HEATR9: variants seen among roughly 807,000 people sequenced by gnomAD.
The protein encoded by HEATR9 is protein HEATR9.
HEATR9 carries 54 observed loss-of-function variants against 68.2 expected under a neutral mutation model. That is an observed-to-expected ratio of 0.79 (90% CI 0.64 to 0.99). HEATR9 has a LOEUF of 0.99. Among genes scored for constraint, HEATR9 ranks in the 50% least tolerant of loss-of-function variants. The probability of loss-of-function intolerance (pLI) is 0.00; values close to 1 mark genes in which losing one functional copy is unlikely to be tolerated. For synonymous variants in HEATR9, 241 were observed against 253.5 expected, an observed-to-expected ratio of 0.95 and a Z score of 0.47; for missense variants, 662 against 679.7, an observed-to-expected ratio of 0.97 and a Z score of 0.29.
rs1041989512 is a variant in HEATR9, at chr17:35,856,919, A to G, written c.1153-114T>C. ...TTGTGCTATGTAGAGTCCCTGCCTT[A>G]AGGAGCTCATAGTCTGGTGGAGGAA... is the stretch of plus-strand genomic sequence containing the variant. On this transcript the variant is annotated intron_variant, in intron 11 of 14. Transcript: ENST00000604834. The G allele has an allele frequency of 5.3e-6, 5 of 951,120 alleles. No individual in the cohort carries two copies. In the African/African-American group the frequency reaches 6.5e-5, roughly 12 times the overall value. The allele number at this position is 951,120 out of a possible 1,614,324, so 58.9% of individuals were successfully genotyped here. A position where few individuals can be genotyped will look rare whatever the true frequency, so the allele number is the denominator to read the frequency against.
intron 2 of HEATR9, 110 bp downstream of exon 2, chr17:35,866,614 C>G: frequency 9.7e-7 from 1 of 1,026,452 alleles, no homozygotes; most frequent in South Asian, 1.3e-5. Flanking sequence ...AATGGCAGCC[C>G]CAGGGGTAAA....
intron 8 of HEATR9, among the ~76,000 whole-genome samples, chr17:35,860,403 A>C (rs896362213): frequency 2.7e-5 from 4 of 150,012 alleles, no homozygotes; most frequent in Admixed American, 1.3e-4. Flanking sequence ...AAAAAAAAAA[A>C]AAAACAAGAA....
rs1598565870 is a variant in HEATR9 at position 35,855,046 on chromosome 17, A to G, written c.*17T>C. 2 of 1,597,514 alleles carry G rather than the reference A, an allele frequency of 1.3e-6. No homozygotes were observed. The highest frequency in any genetic ancestry group is 1.7e-6 in the Non-Finnish European group (2 of 1,168,680). ...ATCTTCAGGGAGGGAGTCGGGGAGT[A>G]GGCCCAAAGAATTGACTTATTTGGC... On this transcript the variant is annotated 3_prime_UTR_variant, in exon 15 of 15. Coordinates refer to ENST00000604834, the MANE Select transcript of HEATR9 (RefSeq NM_152781.4).
chr17:35,861,607 C>T, intron 8 of HEATR9: 1 of 641,656 alleles, frequency 1.6e-6, no homozygotes, highest in Non-Finnish European at 2.8e-6. Flanking sequence ...TTAACCATGC[C>T]AAACATACTC....
intron 1 of HEATR9, among the ~76,000 whole-genome samples, chr17:35,868,407 G>T (rs1318415503): frequency 1.3e-5 from 2 of 152,172 alleles, no homozygotes; most frequent in African/African-American, 2.4e-5. Context: ...TAAAGAGCAG[G>T]GTACAGGTGT....
chr17:35,859,625 C>G (rs1385078186), intron 8 of HEATR9, among the ~76,000 whole-genome samples: 1 of 152,224 alleles, frequency 6.6e-6, no homozygotes, highest in Non-Finnish European at 1.5e-5. Context: ...CTTCCTCACC[C>G]TCAGCTCCCT....
chr17:35,868,436 G>T, intron 1 of HEATR9: 2 of 705,164 alleles, frequency 2.8e-6, no homozygotes, highest in Non-Finnish European at 4.4e-6. Context: ...AAGCTGGGGA[G>T]ACACACAGGT....
Position 35,865,256 on chromosome 17 carries a change from C to T in HEATR9, c.279G>A (p.Arg93=), listed in dbSNP as rs758350445. 1 of 1,614,090 alleles carries T rather than the reference C, an allele frequency of 6.2e-7. No individual in the cohort carries two copies. The highest frequency in any genetic ancestry group is 1.3e-5 in the African/African-American group (1 of 75,002). ...WHDLYDQREE[R]EAEKMLRKMR... is the part of the protein sequence containing the mutation. Reference sequence around the variant, plus strand: ...TTTTCCTCAACATCTTCTCAGCCTCCCTTTCCTCTCGCTGATCATACAGGT... The same window carrying T: ...TTTTCCTCAACATCTTCTCAGCCTCTCTTTCCTCTCGCTGATCATACAGGT... Residue 93 remains arginine, a synonymous_variant, in exon 3 of 15, where the codon AGG becomes AGA. Transcript: ENST00000604834.
At chr17:35,856,936 G>T (rs2087796947) in intron 11 of HEATR9, 131 bp from the exon 12 acceptor site, 2 of 815,880 alleles carry the variant, frequency 2.5e-6, no homozygotes, top group African/African-American at 3.4e-5. Flanking sequence ...TCATAGTCTG[G>T]TGGAGGAAGC....
rs544919921 is a variant in HEATR9 at position 35,855,960 on chromosome 17, G to A, written c.1279-210C>T. The stretch of plus-strand genomic sequence containing the variant: ...GCTAGGAAGACTGAAGACAATTTCT[G>A]CAGCATCTAAGCAACACCCCTCACA... On this transcript the variant is annotated intron_variant, in intron 13 of 14. Coordinates refer to ENST00000604834, the MANE Select transcript of HEATR9 (RefSeq NM_152781.4). Among the ~76,000 whole-genome samples, 11 of 152,224 alleles carry A rather than the reference G, an allele frequency of 7.2e-5. No individual in the cohort carries two copies. The South Asian group carries it at 1.9e-3, about 26-fold the overall frequency.
intron 8 of HEATR9, chr17:35,861,171 A>G (rs1213748019): frequency 5.0e-6 from 8 of 1,595,200 alleles, no homozygotes; most frequent in East Asian, 2.2e-5. Context: ...CTCGGATAAG[A>G]TGGATGTTTT....
chr17:35,856,033 G>T, intron 13 of HEATR9, 140 bp downstream of exon 13: 1 of 938,046 alleles, frequency 1.1e-6, no homozygotes, highest in Non-Finnish European at 1.6e-6. Context: ...TGAAGAAAAG[G>T]TTCGGTAGGG....
rs1339743285 is a variant in HEATR9, at chr17:35,863,012, C to T, written c.739G>A (p.Ala247Thr). The T allele has an allele frequency of 6.2e-7, 1 of 1,614,234 alleles. No individual in the cohort carries two copies. Among genetic ancestry groups the T allele is most frequent in the Admixed American group, 1.7e-5 (1 of 60,024 alleles). Residue 247 changes from alanine (A) to threonine (T), a missense_variant, in exon 8 of 15, where the codon GCT becomes ACT. Physicochemically the swap from Ala to Thr is moderately conservative, Grantham distance 58 (BLOSUM62 0). Coordinates refer to ENST00000604834, the MANE Select transcript of HEATR9 (RefSeq NM_152781.4). ...GLRMALNSWA[A>T]VSKDKRTQVG... The stretch of plus-strand genomic sequence containing the variant: ...CCAATCACCTTGTCTTTAGAGACAG[C>T]AGCCCAGGAGTTAAGAGCCATTCGT...
intron 12 of HEATR9, 71 bp from the exon 13 acceptor site, chr17:35,856,295 T>G: frequency 6.2e-7 from 1 of 1,613,970 alleles, no homozygotes; most frequent in Non-Finnish European, 8.5e-7. Flanking sequence ...GGCTGGTTGC[T>G]TTTCAGGTCC....
intron 11 of HEATR9, 114 bp downstream of exon 11, chr17:35,858,086 A>G: frequency 6.9e-7 from 1 of 1,439,750 alleles, no homozygotes; most frequent in South Asian, 1.2e-5. Flanking sequence ...TTAGTTGAAC[A>G]GGAGTAGGTC....
chr17:35,866,952 AC>A (rs568340321), intron 1 of HEATR9, among the ~76,000 whole-genome samples, 179 bp from the exon 2 acceptor site: 16 of 152,106 alleles, frequency 1.1e-4, no homozygotes, highest in Admixed American at 3.9e-4. Flanking sequence ...TACTAAAAAT[AC>A]AAAAAAAACA....
chr17:35,868,156 G>C (rs958413183), intron 1 of HEATR9, among the ~76,000 whole-genome samples: 2 of 152,198 alleles, frequency 1.3e-5, no homozygotes, highest in Non-Finnish European at 2.9e-5. Flanking sequence ...GTTCTAGCTG[G>C]AGAGACAGAA....
intron 8 of HEATR9, among the ~76,000 whole-genome samples, chr17:35,859,480 C>T (rs1302502034): frequency 6.6e-6 from 1 of 152,166 alleles, no homozygotes; most frequent in African/African-American, 2.4e-5. Context: ...CCTCTTTTTC[C>T]AGCTCCCGAG....
chr17:35,860,216 C>A (rs1159177562), intron 8 of HEATR9, among the ~76,000 whole-genome samples: 1 of 149,170 alleles, frequency 6.7e-6, no homozygotes, highest in Non-Finnish European at 1.5e-5. Context: ...AACCCCATCT[C>A]TACTAAAAAT....
Sources: allele counts gnomAD v4.1 joint callset (sites outside exome capture counted in the v4.1 genomes callset), GRCh38; gene constraint gnomAD v4.1.1; transcripts MANE v1.5; gene names NCBI Gene and HGNC (gene_info 2026-07-23, HGNC 2026-07-21).